Variants in PHF19 observed in about 807,000 individuals in gnomAD.
PHF19 encodes polycomb like 3.
PHF19 carries 21 observed loss-of-function variants against 79.8 expected under a neutral mutation model. The ratio of observed to expected loss-of-function variants is 0.26; its 90% CI spans 0.19 to 0.38. PHF19 has a LOEUF of 0.38. PHF19 is among the 10% of genes least tolerant of loss of function. The pLI is 1.00. For missense variants in PHF19, 445 were observed against 744.2 expected (o/e 0.60, Z 4.68); for synonymous variants, 273 against 296.3 (o/e 0.92, Z 0.81).
Position 120,869,366 on chromosome 9 carries a change from T to A in PHF19, c.466-36A>T. ...ACGAGGGCCCCAGTCAACCACCAGG[T>A]CCGGGTGGACCACGCGAGTCAGCAC... On this transcript the variant is annotated intron_variant, in intron 5 of 14. Coordinates refer to ENST00000373896, the MANE Select transcript of PHF19 (RefSeq NM_015651.3). This position sits in a 1 kb window ranked among gnomAD's most constrained non-coding sequence, Gnocchi z 5.8. The A allele has an allele frequency of 6.3e-7, 1 of 1,599,218 alleles. No individual in the cohort carries two copies. Among genetic ancestry groups the A allele is most frequent in the Non-Finnish European group, 8.5e-7 (1 of 1,173,658 alleles).
chr9:120,877,227 CGGGGCGGGGCG>C, upstream of PHF19: 1 of 150,332 alleles, frequency 6.7e-6, no homozygotes, highest in Non-Finnish European at 9.3e-6. Flanking sequence ...TCGGCGGGGG[CGGGGCGGGGCG>C]GGGGCGCCGC....
chr9:120,896,439 T>C (rs80299639), upstream of PHF19, among the ~76,000 whole-genome samples: 16 of 15,160 alleles, frequency 1.1e-3, no homozygotes, highest in African/African-American at 5.8e-3. Flanking sequence ...GTATGGTTCT[T>C]TTTTTTTTTT....
In PHF19 at chr9:120,862,780, T is replaced by C. The variant is rs567294210; in HGVS notation, c.969-31A>G. ...GGTGGGCAGTGGGAGGAAGAAGCTCTGGAGTCTGTCAGTCCATCCTCCTGG... is the reference window on the plus strand; with the variant it reads ...GGTGGGCAGTGGGAGGAAGAAGCTCCGGAGTCTGTCAGTCCATCCTCCTGG... On this transcript the variant is annotated intron_variant, in intron 10 of 14. Transcript: ENST00000373896. The surrounding 1 kb of genome is among the most constrained non-coding windows in gnomAD (Gnocchi z 4.6). 5 of 1,610,690 alleles carry C rather than the reference T, an allele frequency of 3.1e-6. No individual in the cohort carries two copies. In the South Asian group the frequency reaches 5.5e-5, roughly 18 times the overall value.
At chr9:120,864,846 G>A (rs1331131876) in intron 9 of PHF19, among the ~76,000 whole-genome samples, 2 of 152,030 alleles carry the variant, frequency 1.3e-5, no homozygotes, top group African/African-American at 4.8e-5. Flanking sequence ...ATGTACCCAT[G>A]CATTAGTTCT....
At chr9:120,901,984 C>T in the PHF19 span, among the ~76,000 whole-genome samples, 1 of 152,202 alleles carries the variant, frequency 6.6e-6, no homozygotes, top group Non-Finnish European at 1.5e-5. Flanking sequence ...GGGAGGTCTT[C>T]TACTGAGGGG....
intron 1 of PHF19, among the ~76,000 whole-genome samples, chr9:120,893,190 C>A (rs2046363926): frequency 6.6e-6 from 1 of 152,208 alleles, no homozygotes; most frequent in Non-Finnish European, 1.5e-5. Flanking sequence ...TGTTAAATGA[C>A]TTAGTAAAGG....
In PHF19 at chr9:120,870,183, G is replaced by C. The variant is rs2131540695; in HGVS notation, c.365-238C>G. Among the ~76,000 whole-genome samples, 1 of 152,284 alleles carries C rather than the reference G, an allele frequency of 6.6e-6. No individual in the cohort carries two copies. Among genetic ancestry groups the C allele is most frequent in the East Asian group, 1.9e-4 (1 of 5,174 alleles). On this transcript the variant is annotated intron_variant, in intron 4 of 14. Transcript: ENST00000373896. The surrounding 1 kb of genome is among the most constrained non-coding windows in gnomAD (Gnocchi z 4.4). ...GGGGACACAGGAAGGTCTGACTTCA[G>C]TGCCTGAGCCCCATCTTTCCCACCC...
chr9:120,902,516 G>T, the PHF19 span: 2 of 148,030 alleles, frequency 1.4e-5, no homozygotes, highest in Non-Finnish European at 3.0e-5. Flanking sequence ...GGGGGTGGGG[G>T]GGGGGGCGGT....
chr9:120,867,339 C>A lies in PHF19; in HGVS notation c.615-374G>T, dbSNP rs753220029. Among the ~76,000 whole-genome samples, 8 of 152,252 alleles carry A rather than the reference C, an allele frequency of 5.3e-5. 1 individual carries two copies. The highest frequency in any genetic ancestry group is 5.9e-5 in the Non-Finnish European group (4 of 68,040). On this transcript the variant is annotated intron_variant, in intron 6 of 14. Coordinates refer to ENST00000373896, the MANE Select transcript of PHF19 (RefSeq NM_015651.3). ...TGGACTTGCTGCTTCCCAAACACTG[C>A]TGACAGGGAAACGTTTGCCTTGGAG... is the stretch of plus-strand genomic sequence containing the variant.
At chr9:120,867,400 C>T (rs956991931) in intron 6 of PHF19, among the ~76,000 whole-genome samples, 9 of 152,226 alleles carry the variant, frequency 5.9e-5, no homozygotes, top group South Asian at 2.1e-4. Flanking sequence ...GTAAGCTGCA[C>T]GGGGGCAAGA....
chr9:120,858,118 C>G lies in PHF19; in HGVS notation c.1569G>C (p.Glu523Asp). 6.2e-7 allele frequency: 1 copy of G among 1,614,142 alleles called. No individual in the cohort carries two copies. The highest frequency in any genetic ancestry group is 2.2e-5 in the East Asian group (1 of 44,880). ...GGGATGAGTCATCTTCACTGATGCT[C>G]TCAAATGTGTGGCTGTCAATGCCTT... Reference protein sequence around the residue: ...PDEGIDSHTFESISEDDSSLS... With the variant: ...PDEGIDSHTFDSISEDDSSLS... The change falls in exon 15 of 15, where the codon GAG becomes GAC. Residue 523 changes from glutamate (E) to aspartate (D), a missense_variant. By Grantham distance (45) the Glu-to-Asp change is conservative. Around this residue, in one of 5 missense-constraint regions of PHF19, gnomAD observed 125 missense variants for 180.5 expected, o/e 0.69. Coordinates refer to ENST00000373896, the MANE Select transcript of PHF19 (RefSeq NM_015651.3).
At chr9:120,885,579 G>GAA (rs368105816) in intron 1 of PHF19, among the ~76,000 whole-genome samples, 7 of 141,574 alleles carry the variant, frequency 4.9e-5, no homozygotes, top group Non-Finnish European at 7.7e-5. Flanking sequence ...CTCTATCTTG[G>GAA]AAAAAAAAAA....
At chr9:120,877,457 C>T (rs1427088075), upstream of PHF19, 2 of 666,540 alleles carry the variant, frequency 3.0e-6, no homozygotes, top group African/African-American at 2.0e-5. Context: ...GCCCGCCCCG[C>T]GGGCGCGCAT....
chr9:120,881,918 C>T (rs528116307), upstream of PHF19, among the ~76,000 whole-genome samples: 8 of 152,304 alleles, frequency 5.3e-5, no homozygotes, highest in African/African-American at 1.7e-4. Context: ...CACGCTATCA[C>T]GCCTGGCTAA....
rs1055736604 is a variant in PHF19, at chr9:120,892,210, T to C, written c.42+2578A>G. On this transcript the variant is annotated intron_variant, in intron 1 of 14. Coordinates refer to the PHF19 transcript ENST00000616568. The stretch of plus-strand genomic sequence containing the variant: ...TTACCTGGGACCTGAATTTAGCATC[T>C]ATTACCAATGTTTGCGGCAAACCCC... Among the ~76,000 whole-genome samples, 4 of 152,314 alleles carry C rather than the reference T, an allele frequency of 2.6e-5. No homozygotes were observed. The South Asian group carries it at 8.3e-4, about 32-fold the overall frequency.
chr9:120,870,384 G>T lies in PHF19; in HGVS notation c.364+59C>A. ...CAGGCTGCAGCAGTACCCGTCAGGG[G>T]CCAGTGCGTGGGGACCTATAGGTCG... is the stretch of plus-strand genomic sequence containing the variant. On this transcript the variant is annotated intron_variant, in intron 4 of 14. Transcript: ENST00000373896. The surrounding 1 kb of genome is among the most constrained non-coding windows in gnomAD (Gnocchi z 4.4). 1.9e-6 allele frequency: 2 copies of T among 1,033,984 alleles called. No homozygotes were observed. Among genetic ancestry groups the T allele is most frequent in the Non-Finnish European group, 3.0e-6 (2 of 657,252 alleles). The allele number at this position is 1,033,984 out of a possible 1,614,324, so 64.1% of individuals were successfully genotyped here.
rs2046001546 is a variant in PHF19 at position 120,874,812 on chromosome 9, T to C, written c.-15-56A>G. ...TTGCTTCCCTGCTTCAGAAAGCCCA[T>C]CAGGGGAAGGAAGGAAACCACCATT... is the stretch of plus-strand genomic sequence containing the variant. On this transcript the variant is annotated intron_variant, in intron 1 of 14. Coordinates refer to ENST00000373896, the MANE Select transcript of PHF19 (RefSeq NM_015651.3). This position sits in a 1 kb window ranked among gnomAD's most constrained non-coding sequence, Gnocchi z 4.5. 1.7e-6 allele frequency: 2 copies of C among 1,195,058 alleles called. No individual in the cohort carries two copies. The highest frequency in any genetic ancestry group is 3.7e-5 in the Admixed American group (2 of 53,750). The allele number at this position is 1,195,058 out of a possible 1,614,324, so 74.0% of individuals were successfully genotyped here. A position where few individuals can be genotyped will look rare whatever the true frequency, so the allele number is the denominator to read the frequency against.
intron 1 of PHF19, among the ~76,000 whole-genome samples, chr9:120,888,452 G>T (rs73543757): frequency 0.058 from 8,894 of 152,198 alleles, 758 homozygotes; most frequent in African/African-American, 0.19. Context: ...GGACAACTGG[G>T]TCTATCTGCT....
Position 120,870,253 on chromosome 9 carries a change from C to G in PHF19, c.364+190G>C, listed in dbSNP as rs928380623. ...GCCCCAAATTACATACACCATCATACCCTCCCAGCTTTCCCCAGGATCTCT... is the reference window on the plus strand; with the variant it reads ...GCCCCAAATTACATACACCATCATAGCCTCCCAGCTTTCCCCAGGATCTCT... On this transcript the variant is annotated intron_variant, in intron 4 of 14. Transcript: ENST00000373896. This position sits in a 1 kb window ranked among gnomAD's most constrained non-coding sequence, Gnocchi z 4.4. Among the ~76,000 whole-genome samples, 1 of 152,102 alleles carries G rather than the reference C, an allele frequency of 6.6e-6. No homozygotes were observed. Among genetic ancestry groups the G allele is most frequent in the African/African-American group, 2.4e-5 (1 of 41,416 alleles).
Sources: gnomAD v4.1 joint callset for allele counts (sites outside exome capture counted in the v4.1 genomes callset) on GRCh38, gnomAD v4.1.1 for gene constraint, gnomAD v4.1.1 regional missense constraint, Gnocchi (gnomAD v3.1) non-coding constraint, MANE v1.5 for transcripts, NCBI Gene and HGNC (gene_info 2026-07-23, HGNC 2026-07-21) for gene names.